The following GSK3B variants were observed in gnomAD, a reference collection of about 807,000 sequenced individuals.
The protein encoded by GSK3B is glycogen synthase kinase 3 beta, also known as glycogen synthase kinase-3 beta.
In GSK3B, 15 loss-of-function variants were observed where a neutral mutation model predicts 56.4. That is an observed-to-expected ratio of 0.27 (90% CI 0.18 to 0.41). GSK3B has a LOEUF of 0.41. Ranked by LOEUF, GSK3B falls within the 10% of genes least tolerant of loss-of-function variation. The pLI is 1.00. For missense variants in GSK3B, 300 were observed against 513.4 expected (o/e 0.58, Z 4.02); for synonymous variants, 181 against 188.9 (o/e 0.96, Z 0.34).
At chr3:119,868,991 A>G (rs1439157885) in intron 8 of GSK3B, among the ~76,000 whole-genome samples, 1 of 152,186 alleles carries the variant, frequency 6.6e-6, no homozygotes, top group Non-Finnish European at 1.5e-5. Flanking sequence ...GCTCATATGT[A>G]GCACATAATT....
chr3:120,075,385 T>C (rs1320317352), intron 1 of GSK3B, among the ~76,000 whole-genome samples: 2 of 152,004 alleles, frequency 1.3e-5, no homozygotes, highest in Non-Finnish European at 2.9e-5. Context: ...GAAGAGCTTG[T>C]CTAAATCAAG....
At chr3:119,863,008 T>C (rs1417993283) in intron 9 of GSK3B, among the ~76,000 whole-genome samples, 1 of 152,210 alleles carries the variant, frequency 6.6e-6, no homozygotes, top group Non-Finnish European at 1.5e-5. Flanking sequence ...CAACTGAATT[T>C]ACACAAATAT....
At chr3:119,922,228 GGGAA>G (rs539984482) in intron 4 of GSK3B, among the ~76,000 whole-genome samples, 12,979 of 61,372 alleles carry the variant, frequency 0.21, 1,453 homozygotes, top group Non-Finnish European at 0.27. Context: ...GAAGGAAGGA[GGGAA>G]GGAAGGAAGG....
chr3:119,954,444 G>A (rs573454313), intron 2 of GSK3B, among the ~76,000 whole-genome samples: 4 of 152,118 alleles, frequency 2.6e-5, no homozygotes, highest in South Asian at 2.1e-4. Context: ...TCTGTGCATC[G>A]GGCTGCAATG....
chr3:119,997,723 A>C (rs2057633510), intron 2 of GSK3B, among the ~76,000 whole-genome samples: 1 of 152,222 alleles, frequency 6.6e-6, no homozygotes, highest in Admixed American at 6.5e-5. Flanking sequence ...TCATCAGAGA[A>C]GTGTTACATA....
chr3:119,889,153 C>T (rs934719332), intron 7 of GSK3B, among the ~76,000 whole-genome samples: 27 of 152,086 alleles, frequency 1.8e-4, no homozygotes, highest in Non-Finnish European at 2.9e-4. Flanking sequence ...GCATCCCCTC[C>T]CCTTTTGAAA....
At chr3:119,869,223 CAAAAAAAAAA>C (rs67194724) in intron 8 of GSK3B, among the ~76,000 whole-genome samples, 1 of 54,838 alleles carries the variant, frequency 1.8e-5, no homozygotes, top group Non-Finnish European at 3.0e-5. Flanking sequence ...GATTCCATCT[CAAAAAAAAAA>C]AAAAAAAAAA....
In GSK3B at chr3:119,824,472, G is replaced by T; in HGVS notation, c.*2316C>A. On this transcript the variant is annotated 3_prime_UTR_variant, in exon 11 of 11. Transcript: ENST00000264235. Reference sequence around the variant, plus strand: ...CACTGATTTTTATGGACTCTGGGGAGTATACCACGTCCAGAGCAGTGTCTG... The same window carrying T: ...CACTGATTTTTATGGACTCTGGGGATTATACCACGTCCAGAGCAGTGTCTG... 1 of 215,898 alleles carries T rather than the reference G, an allele frequency of 4.6e-6. No homozygotes were observed. Among genetic ancestry groups the T allele is most frequent in the Non-Finnish European group, 9.3e-6 (1 of 106,998 alleles). The allele number at this position is 215,898 out of a possible 1,614,324, so 13.4% of individuals were successfully genotyped here.
chr3:119,837,943 CAT>C (rs10574860), intron 10 of GSK3B, among the ~76,000 whole-genome samples: 54,324 of 138,184 alleles, frequency 0.39, 12,517 homozygotes, highest in Admixed American at 0.53. Flanking sequence ...TGACCATTCA[CAT>C]ATATATATAT....
intron 1 of GSK3B, among the ~76,000 whole-genome samples, chr3:120,026,121 C>A (rs2057920985): frequency 6.6e-6 from 1 of 152,122 alleles, no homozygotes; most frequent in Admixed American, 6.5e-5. Flanking sequence ...ATATACCTAT[C>A]ATATTTCATC....
At chr3:119,928,576 G>C (rs1444561045) in intron 3 of GSK3B, among the ~76,000 whole-genome samples, 1 of 129,690 alleles carries the variant, frequency 7.7e-6, no homozygotes, top group Admixed American at 9.0e-5. Context: ...CTGCACTCCA[G>C]CCTGGGAGAT....
chr3:119,990,909 C>T (rs1014516878), intron 2 of GSK3B, among the ~76,000 whole-genome samples: 2 of 152,128 alleles, frequency 1.3e-5, no homozygotes, highest in African/African-American at 4.8e-5. Context: ...GCCTGGGCAA[C>T]AAGAGTGAAA....
At chr3:119,995,791 G>C (rs544390914) in intron 2 of GSK3B, among the ~76,000 whole-genome samples, 2 of 146,618 alleles carry the variant, frequency 1.4e-5, no homozygotes, top group East Asian at 4.0e-4. Flanking sequence ...AGGCTAGAGT[G>C]CAGTGGCGCA....
chr3:120,087,197 T>A (rs2107583629), intron 1 of GSK3B, among the ~76,000 whole-genome samples: 1 of 152,276 alleles, frequency 6.6e-6, no homozygotes, highest in African/African-American at 2.4e-5. Context: ...AATTCCACAT[T>A]GATGCATAGC....
At chr3:120,023,617 CAAG>C (rs1424618193) in intron 1 of GSK3B, among the ~76,000 whole-genome samples, 1 of 152,036 alleles carries the variant, frequency 6.6e-6, no homozygotes, top group East Asian at 1.9e-4. Context: ...TAAATTTAAT[CAAG>C]AAGAAAAATA....
chr3:119,923,842 G>A (rs752492729), intron 3 of GSK3B, among the ~76,000 whole-genome samples: 7 of 152,062 alleles, frequency 4.6e-5, no homozygotes, highest in Non-Finnish European at 5.9e-5. Context: ...GATAAGTATC[G>A]TGGTGGCAGG....
intron 3 of GSK3B, among the ~76,000 whole-genome samples, chr3:119,926,818 T>C (rs1011440176): frequency 1.3e-5 from 2 of 152,204 alleles, no homozygotes; most frequent in African/African-American, 4.8e-5. Flanking sequence ...CAAAGCTCAT[T>C]TGTCTCAACT....
intron 10 of GSK3B, among the ~76,000 whole-genome samples, chr3:119,838,161 C>T (rs968574031): frequency 3.3e-5 from 5 of 151,526 alleles, no homozygotes; most frequent in Admixed American, 1.3e-4. Context: ...TGGTAGTGCG[C>T]GCCTGTAATC....
intron 1 of GSK3B, among the ~76,000 whole-genome samples, chr3:120,026,810 G>A (rs541341383): frequency 6.7e-4 from 102 of 151,772 alleles, no homozygotes; most frequent in African/African-American, 2.1e-3. Flanking sequence ...CACCCACCTC[G>A]GCCTCCTAAA....
Sources: allele counts gnomAD v4.1 joint callset (sites outside exome capture counted in the v4.1 genomes callset), GRCh38; gene constraint gnomAD v4.1.1; transcripts MANE v1.5; gene names NCBI Gene and HGNC (gene_info 2026-07-23, HGNC 2026-07-21).